The following ANGPT1 variants were observed in gnomAD, a reference collection of about 807,000 sequenced individuals.
ANGPT1 encodes angiopoietin 1.
Under a neutral mutation model 62.2 loss-of-function variants are expected in ANGPT1, and 17 were observed. The observed-to-expected ratio is 0.27, with a 90% CI of 0.19 to 0.41. The LOEUF (loss-of-function observed/expected upper bound fraction) is 0.41, where lower values mean the gene tolerates loss of function less well. ANGPT1 is among the 10% of genes least tolerant of loss of function. The pLI is 1.00. For missense variants in ANGPT1, 478 were observed against 594.9 expected, an observed-to-expected ratio of 0.80 and a Z score of 2.04; for synonymous variants, 199 against 198.9, an observed-to-expected ratio of 1.00 and a Z score of 0.00.
intron 4 of ANGPT1, among the ~76,000 whole-genome samples, chr8:107,319,004 G>A (rs184428382): frequency 3.5e-4 from 54 of 152,222 alleles, no homozygotes; most frequent in East Asian, 2.3e-3. Context: ...CAAACACTCC[G>A]GGGCATTGTA....
chr8:107,486,807 T>A (rs142414281), intron 1 of ANGPT1, among the ~76,000 whole-genome samples: 1 of 152,168 alleles, frequency 6.6e-6, no homozygotes, highest in African/African-American at 2.4e-5. Flanking sequence ...AAACTTGCCA[T>A]AGGAAATAGT....
At chr8:107,273,910 T>A in intron 7 of ANGPT1, among the ~76,000 whole-genome samples, 1 of 148,990 alleles carries the variant, frequency 6.7e-6, no homozygotes, top group African/African-American at 2.5e-5. Context: ...AGGGAAAAAG[T>A]CCTTGGCTTC....
chr8:107,449,658 T>G (rs1024744051), intron 1 of ANGPT1, among the ~76,000 whole-genome samples: 5 of 152,096 alleles, frequency 3.3e-5, no homozygotes, highest in Non-Finnish European at 7.4e-5. Context: ...GTACCTTACC[T>G]TGGAATAACT....
At chr8:107,485,268 C>T (rs939755494) in intron 1 of ANGPT1, among the ~76,000 whole-genome samples, 2 of 152,256 alleles carry the variant, frequency 1.3e-5, no homozygotes, top group Admixed American at 6.5e-5. Context: ...AGTGAATATG[C>T]GCTGAGTTGT....
At chr8:107,273,872 AC>A (rs763659199) in intron 7 of ANGPT1, among the ~76,000 whole-genome samples, 2 of 151,438 alleles carry the variant, frequency 1.3e-5, no homozygotes, top group Non-Finnish European at 2.9e-5. Flanking sequence ...ATAAATTTAT[AC>A]AAAATTTTGT....
chr8:107,291,899 G>T (rs935945587), intron 6 of ANGPT1, among the ~76,000 whole-genome samples: 2 of 145,642 alleles, frequency 1.4e-5, no homozygotes, highest in Non-Finnish European at 1.5e-5. Flanking sequence ...GATGGGGGGG[G>T]GGGGGGGCTT....
chr8:107,273,293 C>T (rs931944779), intron 7 of ANGPT1, among the ~76,000 whole-genome samples: 2 of 151,984 alleles, frequency 1.3e-5, no homozygotes, highest in African/African-American at 4.8e-5. Flanking sequence ...ATGTTGAAAA[C>T]CATTGAGATG....
intron 7 of ANGPT1, among the ~76,000 whole-genome samples, chr8:107,266,062 G>T (rs1208710203): frequency 6.6e-6 from 1 of 152,070 alleles, no homozygotes; most frequent in African/African-American, 2.4e-5. Flanking sequence ...TTCTAATGTT[G>T]AATTATCACA....
At chr8:107,376,955 A>AT (rs200532923) in intron 1 of ANGPT1, among the ~76,000 whole-genome samples, 62 of 151,772 alleles carry the variant, frequency 4.1e-4, no homozygotes, top group African/African-American at 1.4e-3. Context: ...GATCAAGTAC[A>AT]TTTTTTTTTC....
At chr8:107,265,870 T>C (rs1813601945) in intron 7 of ANGPT1, among the ~76,000 whole-genome samples, 1 of 151,898 alleles carries the variant, frequency 6.6e-6, no homozygotes, top group Admixed American at 6.6e-5. Context: ...GTATATATCC[T>C]ACTGTTTGTG....
intron 1 of ANGPT1, among the ~76,000 whole-genome samples, chr8:107,428,654 G>A (rs763436394): frequency 1.3e-4 from 20 of 152,060 alleles, no homozygotes; most frequent in Non-Finnish European, 1.9e-4. Context: ...GTGTGTGTGT[G>A]TGTGTTTTCG....
At chr8:107,262,551 C>T (rs73700082) in intron 8 of ANGPT1, among the ~76,000 whole-genome samples, 3,430 of 152,236 alleles carry the variant, frequency 0.023, 105 homozygotes, top group African/African-American at 0.074. Context: ...TAAGATAGTA[C>T]AACATGTGCA....
At chr8:107,389,216 T>C (rs866504253) in intron 1 of ANGPT1, among the ~76,000 whole-genome samples, 2 of 152,214 alleles carry the variant, frequency 1.3e-5, no homozygotes, top group South Asian at 4.1e-4. Flanking sequence ...TGCAGCCTTT[T>C]ATTTCTGTAA....
intron 1 of ANGPT1, among the ~76,000 whole-genome samples, chr8:107,422,580 C>A (rs1213137557): frequency 6.6e-6 from 1 of 152,148 alleles, no homozygotes; most frequent in African/African-American, 2.4e-5. Flanking sequence ...TCCAGAGTGT[C>A]TTCCAGTTGC....
intron 1 of ANGPT1, among the ~76,000 whole-genome samples, chr8:107,475,931 A>T (rs1313730470): frequency 6.6e-6 from 1 of 152,192 alleles, no homozygotes; most frequent in African/African-American, 2.4e-5. Context: ...AAAGTCAGTA[A>T]ACAACAGGTG....
intron 7 of ANGPT1, among the ~76,000 whole-genome samples, chr8:107,266,100 A>G (rs1813607818): frequency 6.6e-6 from 1 of 152,170 alleles, no homozygotes; most frequent in Admixed American, 6.6e-5. Flanking sequence ...AAACTCTGAG[A>G]GGCAGACTAC....
At chr8:107,440,971 G>A (rs1310536820) in intron 1 of ANGPT1, among the ~76,000 whole-genome samples, 2 of 152,148 alleles carry the variant, frequency 1.3e-5, no homozygotes, top group Non-Finnish European at 2.9e-5. Context: ...CCAAAGGAAA[G>A]GAAATAAATC....
At chr8:107,328,950 T>C (rs967189804) in intron 3 of ANGPT1, among the ~76,000 whole-genome samples, 3 of 151,970 alleles carry the variant, frequency 2.0e-5, no homozygotes, top group Admixed American at 1.3e-4. Context: ...TAAATTATAG[T>C]GCATCTATAA....
intron 1 of ANGPT1, among the ~76,000 whole-genome samples, chr8:107,416,003 G>C (rs569390191): frequency 2.0e-5 from 3 of 150,216 alleles, no homozygotes; most frequent in African/African-American, 7.3e-5. Flanking sequence ...AATCTGAAGG[G>C]AAAAAAAAAC....
Sources: allele counts gnomAD v4.1 joint callset (sites outside exome capture counted in the v4.1 genomes callset), GRCh38; gene constraint gnomAD v4.1.1; transcripts MANE v1.5; gene names NCBI Gene and HGNC (gene_info 2026-07-23, HGNC 2026-07-21).